SYBU: variants seen among roughly 807,000 people sequenced by gnomAD.
SYBU encodes syntabulin, also known as GOLSYN A protein.
A neutral mutation model predicts 35.9 loss-of-function variants in SYBU; 21 were observed. That is an observed-to-expected ratio of 0.58 (90% confidence interval 0.41 to 0.84). The LOEUF is 0.84. Among genes scored for constraint, SYBU ranks in the 40% least tolerant of loss-of-function variants. The pLI, the probability that SYBU is intolerant of heterozygous loss-of-function variation, is 0.00. For missense variants in SYBU, 768 were observed against 848.2 expected (o/e 0.91, Z 1.17); for synonymous variants, 319 against 324.3 (o/e 0.98, Z 0.18).
upstream of SYBU, chr8:109,646,875 T>C (rs998220771): frequency 6.6e-6 from 1 of 152,192 alleles, no homozygotes; most frequent in Non-Finnish European, 1.5e-5. Context: ...CGGTCTTGAA[T>C]CTGATTACTT....
chr8:109,613,177 A>T (rs1232401282), intron 3 of SYBU, among the ~76,000 whole-genome samples: 1 of 152,098 alleles, frequency 6.6e-6, no homozygotes, highest in African/African-American at 2.4e-5. Context: ...TTTATGTGAC[A>T]TGGGATAACA....
chr8:109,598,057 G>A (rs1257820896), intron 3 of SYBU, among the ~76,000 whole-genome samples: 2 of 152,150 alleles, frequency 1.3e-5, no homozygotes, highest in East Asian at 1.9e-4. Flanking sequence ...AATAACTTAT[G>A]GGTAGAGGTG....
chr8:109,651,216 A>T (rs1042339969), intron 1 of SYBU, among the ~76,000 whole-genome samples: 4 of 152,200 alleles, frequency 2.6e-5, no homozygotes, highest in Non-Finnish European at 4.4e-5. Context: ...GCTGGTGGGG[A>T]ATTAGCAAAG....
intron 2 of SYBU, among the ~76,000 whole-genome samples, chr8:109,640,043 A>T (rs1424190767): frequency 6.6e-6 from 1 of 152,154 alleles, no homozygotes; most frequent in Non-Finnish European, 1.5e-5. Context: ...AGATGAAGAG[A>T]GATGAGGGAG....
Position 109,575,113 on chromosome 8 carries a change from G to A in SYBU, c.1785C>T (p.Arg595=), listed in dbSNP as rs200560610. Residue 595 remains arginine, a synonymous_variant, in exon 7 of 7, where the codon CGC becomes CGT. Transcript: ENST00000276646. ...ERLDGVIPLA[R]GGVVRQYWSS... ...TCCAGTACTGCCTCACGACGCCCCCGCGAGCCAGTGGGATGACACCATCCA... is the reference window on the plus strand; with the variant it reads ...TCCAGTACTGCCTCACGACGCCCCCACGAGCCAGTGGGATGACACCATCCA... The A allele has an allele frequency of 5.1e-5, 82 of 1,613,188 alleles. No individual in the cohort carries two copies. Among genetic ancestry groups the A allele is most frequent in the East Asian group, 8.9e-5 (4 of 44,850 alleles).
At chr8:109,592,063 A>G (rs1482071787) in intron 3 of SYBU, among the ~76,000 whole-genome samples, 1 of 152,146 alleles carries the variant, frequency 6.6e-6, no homozygotes, top group African/African-American at 2.4e-5. Flanking sequence ...ATGCAAAGAA[A>G]TTAGAACAAT....
At chr8:109,585,553 A>G (rs1032700504) in intron 4 of SYBU, among the ~76,000 whole-genome samples, 1 of 152,162 alleles carries the variant, frequency 6.6e-6, no homozygotes, top group African/African-American at 2.4e-5. Flanking sequence ...TGGGGTGGCC[A>G]CCATGCCTAT....
intron 6 of SYBU, 111 bp from the exon 7 acceptor site, chr8:109,576,124 C>G: frequency 7.9e-7 from 1 of 1,265,280 alleles, no homozygotes; most frequent in South Asian, 1.7e-5. Flanking sequence ...GCCAAGAGCT[C>G]ATACTCTTCC....
intron 2 of SYBU, among the ~76,000 whole-genome samples, chr8:109,622,906 C>T (rs1421699442): frequency 6.6e-6 from 1 of 152,160 alleles, no homozygotes; most frequent in Non-Finnish European, 1.5e-5. Context: ...CCTGACAAAA[C>T]TATGAACATT....
intron 3 of SYBU, among the ~76,000 whole-genome samples, chr8:109,591,218 G>A (rs1229644147): frequency 6.6e-6 from 1 of 152,180 alleles, no homozygotes. Flanking sequence ...AAAACAAGAT[G>A]CAGAAAAGTG....
At chr8:109,627,013 G>T (rs80283424) in intron 2 of SYBU, among the ~76,000 whole-genome samples, 1,627 of 152,162 alleles carry the variant, frequency 0.011, 27 homozygotes, top group African/African-American at 0.037. Context: ...GAGCCCACTG[G>T]CTTTCAAAAA....
intron 3 of SYBU, among the ~76,000 whole-genome samples, chr8:109,588,398 A>C (rs1337216316): frequency 6.6e-6 from 1 of 152,234 alleles, no homozygotes; most frequent in Non-Finnish European, 1.5e-5. Context: ...GCAGGGCCTA[A>C]GGTCACTTTG....
chr8:109,653,272 A>G (rs1816224282), intron 1 of SYBU, among the ~76,000 whole-genome samples: 1 of 152,268 alleles, frequency 6.6e-6, no homozygotes, highest in African/African-American at 2.4e-5. Context: ...GAGTTCCCAT[A>G]TATCCCCTTA....
chr8:109,630,006 T>C (rs1401934313), intron 2 of SYBU, among the ~76,000 whole-genome samples: 2 of 152,042 alleles, frequency 1.3e-5, no homozygotes, highest in Non-Finnish European at 2.9e-5. Context: ...GTTTTTTTCT[T>C]GTAACTTGAA....
intron 3 of SYBU, among the ~76,000 whole-genome samples, chr8:109,609,530 C>T (rs1487668580): frequency 6.6e-6 from 1 of 152,180 alleles, no homozygotes; most frequent in South Asian, 2.1e-4. Flanking sequence ...TATATGTATA[C>T]AAGAATATAT....
At chr8:109,618,563 T>G (rs182519600) in intron 3 of SYBU, among the ~76,000 whole-genome samples, 31 of 152,354 alleles carry the variant, frequency 2.0e-4, no homozygotes, top group Admixed American at 2.6e-4. Flanking sequence ...AAATGCTTGT[T>G]AAAACATCTG....
intron 3 of SYBU, among the ~76,000 whole-genome samples, chr8:109,605,395 T>G (rs138532909): frequency 3.9e-5 from 6 of 152,332 alleles, no homozygotes; most frequent in African/African-American, 1.4e-4. Context: ...TCAGCATGTA[T>G]GAACATACAT....
chr8:109,580,032 T>A (rs1822842170), intron 4 of SYBU, 30 bp from the exon 5 acceptor site: 3 of 1,603,246 alleles, frequency 1.9e-6, no homozygotes, highest in Non-Finnish European at 2.6e-6. Context: ...AATGTTAAAA[T>A]TCTTGGGGCT....
intron 2 of SYBU, among the ~76,000 whole-genome samples, chr8:109,621,199 C>T (rs1323549005): frequency 5.9e-5 from 9 of 152,110 alleles, no homozygotes; most frequent in Non-Finnish European, 1.3e-4. Context: ...AAAATCATAC[C>T]TTGGGTTCTA....
Sources: allele counts gnomAD v4.1 joint callset (sites outside exome capture counted in the v4.1 genomes callset), GRCh38; gene constraint gnomAD v4.1.1; transcripts MANE v1.5; gene names NCBI Gene and HGNC (gene_info 2026-07-23, HGNC 2026-07-21).